The following TEX29 variants were observed in gnomAD, a reference collection of about 807,000 sequenced individuals.
The protein encoded by TEX29 is testis expressed 29.
A neutral mutation model predicts 18.2 loss-of-function variants in TEX29; 26 were observed. The ratio of observed to expected loss-of-function variants is 1.43; its 90% confidence interval spans 1.04 to 1.98. The LOEUF (loss-of-function observed/expected upper bound fraction) is 1.98. Ranked by LOEUF, TEX29 falls within the 30% of genes most tolerant of loss-of-function variation. TEX29 has a pLI of 0.00. For missense variants in TEX29, 177 were observed against 194.2 expected, an observed-to-expected ratio of 0.91 and a Z score of 0.53; for synonymous variants, 83 against 78.5, an observed-to-expected ratio of 1.06 and a Z score of -0.31.
chr13:111,343,061 T>C (rs1478023680), intron 5 of TEX29, 130 bp downstream of exon 5: 32 of 1,109,576 alleles, frequency 2.9e-5, no homozygotes, highest in Non-Finnish European at 3.8e-5. Context: ...TGTTGCAGTT[T>C]GTTCAAAATT....
chr13:111,334,480 T>A (rs1158931578), intron 3 of TEX29, among the ~76,000 whole-genome samples: 1 of 152,268 alleles, frequency 6.6e-6, no homozygotes, highest in Non-Finnish European at 1.5e-5. Context: ...CACTTCCTGC[T>A]TATGCAGATC....
chr13:111,321,033 C>T (rs1257437226), intron 2 of TEX29, 85 bp downstream of exon 2: 12 of 1,462,394 alleles, frequency 8.2e-6, no homozygotes, highest in East Asian at 7.5e-5. Context: ...GAGCCCCTGG[C>T]GCGGACAGGG....
At chr13:111,322,496 C>T (rs913774036) in intron 2 of TEX29, among the ~76,000 whole-genome samples, 13 of 152,192 alleles carry the variant, frequency 8.5e-5, no homozygotes, top group African/African-American at 2.4e-4. Flanking sequence ...CTGGCCACCC[C>T]GTCTGTGAGG....
intron 2 of TEX29, among the ~76,000 whole-genome samples, chr13:111,325,886 C>T (rs1448679902): frequency 2.6e-5 from 4 of 152,258 alleles, no homozygotes; most frequent in Non-Finnish European, 4.4e-5. Context: ...GGCATATTTC[C>T]TGCCCAGTCT....
chr13:111,326,092 C>T (rs562307738), intron 2 of TEX29, among the ~76,000 whole-genome samples: 5 of 152,204 alleles, frequency 3.3e-5, no homozygotes, highest in South Asian at 2.1e-4. Context: ...GGCTCCGCTG[C>T]GTCCAAGCTG....
At chr13:111,326,840 C>T (rs1046746842) in intron 2 of TEX29, among the ~76,000 whole-genome samples, 4 of 152,114 alleles carry the variant, frequency 2.6e-5, no homozygotes, top group South Asian at 2.1e-4. Flanking sequence ...GAAGTTCTGG[C>T]GCTGTGTCCA....
chr13:111,337,625 G>A (rs1006269521), intron 3 of TEX29, among the ~76,000 whole-genome samples: 3 of 152,016 alleles, frequency 2.0e-5, no homozygotes, highest in African/African-American at 4.8e-5. Flanking sequence ...GGTGAGAATC[G>A]GGAGGCCATC....
chr13:111,317,025 C>G (rs1479643359), upstream of TEX29, among the ~76,000 whole-genome samples: 2 of 152,176 alleles, frequency 1.3e-5, no homozygotes, highest in African/African-American at 4.8e-5. Context: ...CCAATCACCC[C>G]CCACCACGTC....
chr13:111,324,881 A>G (rs993548629), intron 2 of TEX29, among the ~76,000 whole-genome samples: 7 of 152,046 alleles, frequency 4.6e-5, no homozygotes, highest in Non-Finnish European at 1.0e-4. Context: ...AAAATAACGG[A>G]ACGTTTACCA....
At chr13:111,317,724 T>C (rs1311727999), upstream of TEX29, among the ~76,000 whole-genome samples, 1 of 152,224 alleles carries the variant, frequency 6.6e-6, no homozygotes, top group East Asian at 1.9e-4. Flanking sequence ...GGCCACAATC[T>C]GAAGTCAGGA....
At chr13:111,331,432 G>T (rs951174766) in intron 3 of TEX29, among the ~76,000 whole-genome samples, 1 of 151,082 alleles carries the variant, frequency 6.6e-6, no homozygotes, top group Non-Finnish European at 1.5e-5. Context: ...GAGTTGTATG[G>T]GTTCTTTATA....
At chr13:111,336,137 C>A (rs2093689363) in intron 3 of TEX29, among the ~76,000 whole-genome samples, 1 of 152,196 alleles carries the variant, frequency 6.6e-6, no homozygotes, top group Non-Finnish European at 1.5e-5. Flanking sequence ...GGGGGTATAT[C>A]ATTTTTGCAT....
chr13:111,326,265 GTGGGTGT>G (rs1275005546), intron 2 of TEX29, among the ~76,000 whole-genome samples: 2,746 of 87,300 alleles, frequency 0.031, 134 homozygotes, highest in African/African-American at 0.07. Context: ...CCTGGCGCTG[GTGGGTGT>G]CTGGTGGGGT....
At chr13:111,333,700 A>C (rs772327010) in intron 3 of TEX29, among the ~76,000 whole-genome samples, 3 of 152,204 alleles carry the variant, frequency 2.0e-5, no homozygotes, top group Non-Finnish European at 4.4e-5. Flanking sequence ...CTGCATGGCT[A>C]GGGAGGCCTC....
intron 5 of TEX29, 111 bp from the exon 6 acceptor site, chr13:111,343,972 A>G (rs1012476906): frequency 1.1e-6 from 1 of 892,602 alleles, no homozygotes; most frequent in Non-Finnish European, 1.8e-6. Flanking sequence ...TTTTGAATCA[A>G]TCATTGCCAA....
chr13:111,323,777 T>C (rs2093668532), intron 2 of TEX29, among the ~76,000 whole-genome samples: 2 of 152,096 alleles, frequency 1.3e-5, no homozygotes, highest in Admixed American at 6.5e-5. Flanking sequence ...TCACACGCGC[T>C]CCAGGCAGGA....
Position 111,342,896 on chromosome 13 carries a change from G to T in TEX29, c.380G>T (p.Gly127Val). 6.2e-7 allele frequency: 1 copy of T among 1,614,178 alleles called. No individual in the cohort carries two copies. Among genetic ancestry groups the T allele is most frequent in the Non-Finnish European group, 8.5e-7 (1 of 1,180,040 alleles). The change falls in exon 5 of 6, where the codon GGG becomes GTG. Residue 127 changes from glycine to valine, a missense_variant. Coordinates refer to ENST00000283547, the MANE Select transcript of TEX29 (RefSeq NM_152324.3). ...GCGAGTCCTGGGCCTCCAAGTGCTGGGCCCTCGATGAAGAGTGACGAGGAT... is the reference window on the plus strand; with the variant it reads ...GCGAGTCCTGGGCCTCCAAGTGCTGTGCCCTCGATGAAGAGTGACGAGGAT... ...KPASPGPPSA[G>V]PSMKSDEDKD...
chr13:111,335,254 A>G (rs1465396278), intron 3 of TEX29, among the ~76,000 whole-genome samples: 3 of 152,198 alleles, frequency 2.0e-5, no homozygotes, highest in Non-Finnish European at 4.4e-5. Flanking sequence ...TACAAGATGT[A>G]GTGCTTTTTC....
chr13:111,320,805 C>A, intron 1 of TEX29, 43 bp downstream of exon 1: 1 of 1,575,468 alleles, frequency 6.3e-7, no homozygotes, highest in Non-Finnish European at 8.7e-7. Context: ...CCGCCCGCTC[C>A]CCAAACGACG....
Sources: gnomAD v4.1 joint callset for allele counts (sites outside exome capture counted in the v4.1 genomes callset) on GRCh38, gnomAD v4.1.1 for gene constraint, MANE v1.5 for transcripts, NCBI Gene and HGNC (gene_info 2026-07-23, HGNC 2026-07-21) for gene names.